The following ZNF521 variants were observed in gnomAD, a reference collection of about 807,000 sequenced individuals.
ZNF521 encodes LYST-interacting protein 3.
Under a neutral mutation model 105.5 loss-of-function variants are expected in ZNF521, and 14 were observed. The ratio of observed to expected loss-of-function variants is 0.13; its 90% confidence interval spans 0.09 to 0.21. The LOEUF (loss-of-function observed/expected upper bound fraction) is 0.21, where lower values mean the gene tolerates loss of function less well. Among genes scored for constraint, ZNF521 ranks in the 10% least tolerant of loss-of-function variants. The pLI, the probability that ZNF521 is intolerant of heterozygous loss-of-function variation, is 1.00. For synonymous variants in ZNF521, 635 were observed against 606.0 expected (o/e 1.05, Z -0.70); for missense variants, 1,233 against 1,629.7 (o/e 0.76, Z 4.19).
chr18:25,255,309 T>C (rs1908404644), intron 3 of ZNF521, among the ~76,000 whole-genome samples: 1 of 152,116 alleles, frequency 6.6e-6, no homozygotes. Flanking sequence ...AGAATTTTAG[T>C]AGGTAATGGG....
intron 3 of ZNF521, among the ~76,000 whole-genome samples, chr18:25,288,699 G>A (rs1216702435): frequency 6.6e-6 from 1 of 151,354 alleles, no homozygotes; most frequent in East Asian, 1.9e-4. Flanking sequence ...TTTACATGCA[G>A]CCAGTGAAGT....
intron 2 of ZNF521, among the ~76,000 whole-genome samples, chr18:25,337,174 G>C (rs1913940309): frequency 6.6e-6 from 1 of 152,172 alleles, no homozygotes; most frequent in Admixed American, 6.5e-5. Context: ...CAGAGATGGA[G>C]GTGGGGGAAC....
chr18:25,180,111 C>T (rs2035606032), intron 5 of ZNF521, among the ~76,000 whole-genome samples: 1 of 152,000 alleles, frequency 6.6e-6, no homozygotes, highest in African/African-American at 2.4e-5. Context: ...AATGAAAGCC[C>T]TTTTTTGCCC....
intron 1 of ZNF521, 117 bp from the exon 2 acceptor site, chr18:25,351,064 C>CCCTCGCTCCGCGCTCCGCT: frequency 1.5e-6 from 1 of 665,272 alleles, no homozygotes; most frequent in Non-Finnish European, 2.0e-6. Context: ...CTCCCTCGCG[C>CCCTCGCTCCGCGCTCCGCT]CCTCGCTCCG....
intron 3 of ZNF521, among the ~76,000 whole-genome samples, chr18:25,263,319 CTGAT>C (rs1568042178): frequency 1.3e-5 from 2 of 151,322 alleles, no homozygotes; most frequent in East Asian, 1.9e-4. Flanking sequence ...CACAGTTACT[CTGAT>C]TGATGAAAAA....
At chr18:25,313,707 A>AT (rs1412162796) in intron 3 of ZNF521, among the ~76,000 whole-genome samples, 2 of 152,196 alleles carry the variant, frequency 1.3e-5, no homozygotes, top group Non-Finnish European at 2.9e-5. Flanking sequence ...TCTTTACCTA[A>AT]TTTTTTAATT....
At chr18:25,144,299 C>A (rs1215017445) in intron 5 of ZNF521, among the ~76,000 whole-genome samples, 1 of 152,184 alleles carries the variant, frequency 6.6e-6, no homozygotes, top group Admixed American at 6.6e-5. Context: ...CTCTCTCTTG[C>A]TACTCTTTTA....
chr18:25,102,688 A>G (rs2144263314), intron 5 of ZNF521, among the ~76,000 whole-genome samples: 1 of 152,124 alleles, frequency 6.6e-6, no homozygotes, highest in South Asian at 2.1e-4. Flanking sequence ...GCCTGAGACT[A>G]TAGATATTAA....
chr18:25,062,790 AGAGAG>A, intron 7 of ZNF521, 49 bp from the exon 8 acceptor site: 1 of 1,410,900 alleles, frequency 7.1e-7, no homozygotes, highest in South Asian at 1.3e-5. Context: ...AAAAAAGAGA[AGAGAG>A]GGAAAACAAA....
At chr18:25,305,437 G>A (rs2145086734) in intron 3 of ZNF521, among the ~76,000 whole-genome samples, 1 of 152,240 alleles carries the variant, frequency 6.6e-6, no homozygotes, top group East Asian at 1.9e-4. Flanking sequence ...ATGCCAATGT[G>A]CAGGCTAAAA....
chr18:25,321,110 AG>A (rs1912915715), intron 3 of ZNF521, among the ~76,000 whole-genome samples: 1 of 152,240 alleles, frequency 6.6e-6, no homozygotes, highest in African/African-American at 2.4e-5. Context: ...GCTTAATGGA[AG>A]AAAGATTTGT....
chr18:25,257,976 T>A (rs975813299), intron 3 of ZNF521, among the ~76,000 whole-genome samples: 1 of 152,134 alleles, frequency 6.6e-6, no homozygotes, highest in Non-Finnish European at 1.5e-5. Context: ...CATACAGACA[T>A]ACACACACAC....
In ZNF521 at chr18:25,148,964, G is replaced by T. The variant is rs114394551; in HGVS notation, c.3658+46196C>A. 2.8e-3 allele frequency among the ~76,000 whole-genome samples: 421 copies of T among 152,224 alleles called. 2 individuals carry two copies. The highest frequency in any genetic ancestry group is 9.6e-3 in the African/African-American group (398 of 41,526). ...CCCTTTTCAGTGTGCTCACATAAAT[G>T]AACTCGGAGCATAAAACAAATGTAC... On this transcript the variant is annotated intron_variant, in intron 5 of 7. Coordinates refer to ENST00000361524, the MANE Select transcript of ZNF521 (RefSeq NM_015461.3).
rs1375187697 is a variant in ZNF521, at chr18:25,226,400, T to G, written c.1518A>C (p.Ala506=). The G allele has an allele frequency of 5.0e-6, 8 of 1,614,174 alleles. No individual in the cohort carries two copies. Among genetic ancestry groups the G allele is most frequent in the Non-Finnish European group, 5.9e-6 (7 of 1,180,024 alleles). The change falls in exon 4 of 8, where the codon GCA becomes GCC. Residue 506 remains alanine, a synonymous_variant. Transcript: ENST00000361524. This position sits in a 1 kb window ranked among gnomAD's most constrained non-coding sequence, Gnocchi z 4.1. ...IRCSHGFANP[A]AKDSNAFFCP... Reference sequence around the variant, plus strand: ...AAAAGAATGCATTACTATCTTTAGCTGCAGGGTTTGCAAATCCATGAGAAC... The same window carrying G: ...AAAAGAATGCATTACTATCTTTAGCGGCAGGGTTTGCAAATCCATGAGAAC...
rs78574363 is a variant in ZNF521, at chr18:25,335,087, A to G, written c.41-12900T>C. On this transcript the variant is annotated intron_variant, in intron 2 of 7. Coordinates refer to ENST00000361524, the MANE Select transcript of ZNF521 (RefSeq NM_015461.3). The stretch of plus-strand genomic sequence containing the variant: ...CATGCCGATTGTGCACACAGGACCA[A>G]AGCACTGAGACATTCCACTGCTCAG... Among the ~76,000 whole-genome samples, 12 of 152,162 alleles carry G rather than the reference A, an allele frequency of 7.9e-5. No homozygotes were observed. The East Asian group carries it at 2.3e-3, about 29-fold the overall frequency.
At chr18:25,267,186 C>T (rs573063601) in intron 3 of ZNF521, among the ~76,000 whole-genome samples, 23 of 152,272 alleles carry the variant, frequency 1.5e-4, no homozygotes, top group Admixed American at 1.4e-3. Flanking sequence ...CGGAGCCCAC[C>T]GCAGCTCAGC....
At chr18:25,090,163 A>G (rs542993109) in intron 6 of ZNF521, among the ~76,000 whole-genome samples, 1 of 152,292 alleles carries the variant, frequency 6.6e-6, no homozygotes, top group East Asian at 1.9e-4. Flanking sequence ...TAATGACTAC[A>G]AAACAAGGCC....
intron 7 of ZNF521, among the ~76,000 whole-genome samples, 161 bp from the exon 8 acceptor site, chr18:25,062,902 A>G (rs983856137): frequency 2.0e-5 from 3 of 151,880 alleles, no homozygotes; most frequent in African/African-American, 7.3e-5. Context: ...TCTGATGAAT[A>G]GTGCTCATGG....
intron 3 of ZNF521, among the ~76,000 whole-genome samples, chr18:25,245,147 C>T (rs561293240): frequency 2.0e-5 from 3 of 152,300 alleles, no homozygotes; most frequent in Non-Finnish European, 4.4e-5. Flanking sequence ...CATTCCTGTT[C>T]TGAGGAAGAG....
Sources: allele counts gnomAD v4.1 joint callset (sites outside exome capture counted in the v4.1 genomes callset), GRCh38; gene constraint gnomAD v4.1.1; non-coding constraint Gnocchi (gnomAD v3.1); transcripts MANE v1.5; gene names NCBI Gene and HGNC (gene_info 2026-07-23, HGNC 2026-07-21).